Variants in IBTK observed in about 807,000 individuals in gnomAD.
IBTK encodes the protein inhibitor of Bruton tyrosine kinase, also known as BTK-binding protein.
In IBTK, 83 loss-of-function variants were observed where a neutral mutation model predicts 154.9. The ratio of observed to expected loss-of-function variants is 0.54; its 90% CI spans 0.45 to 0.64. IBTK has a LOEUF of 0.64. IBTK is among the 30% of genes least tolerant of loss of function. The pLI is 0.00. For synonymous variants in IBTK, 515 were observed against 536.1 expected, an observed-to-expected ratio of 0.96 and a Z score of 0.54; for missense variants, 1,332 against 1,584.6, an observed-to-expected ratio of 0.84 and a Z score of 2.71.
rs562943415 is a variant in IBTK at position 82,225,402 on chromosome 6, A to T, written c.825+75T>A. 29 of 1,156,536 alleles carry T rather than the reference A, an allele frequency of 2.5e-5. No individual in the cohort carries two copies. The East Asian group carries it at 7.1e-4, about 28-fold the overall frequency. The allele number at this position is 1,156,536 out of a possible 1,614,324, so 71.6% of individuals were successfully genotyped here. A position where few individuals can be genotyped will look rare whatever the true frequency, so the allele number is the denominator to read the frequency against. On this transcript the variant is annotated intron_variant, in intron 6 of 28. Coordinates refer to ENST00000306270, the MANE Select transcript of IBTK (RefSeq NM_015525.4). ...AGAAATAAAATAAGTTGCTCTGTCA[A>T]TAACTTACATTTTTTTGTTCATACA...
At chr6:82,243,168 G>A (rs1218791828) in intron 1 of IBTK, among the ~76,000 whole-genome samples, 1 of 151,456 alleles carries the variant, frequency 6.6e-6, no homozygotes, top group African/African-American at 2.4e-5. Flanking sequence ...GTGAACCTGG[G>A]AGGCGGAGCT....
intron 1 of IBTK, 45 bp downstream of exon 1, chr6:82,247,517 G>A (rs955764626): frequency 4.8e-5 from 19 of 398,734 alleles, no homozygotes; most frequent in Non-Finnish European, 6.6e-5. Context: ...CCGGGCTGAA[G>A]GGAAGCCGCA....
Position 82,202,643 on chromosome 6 carries a change from TA to T in IBTK, c.2613del (p.Thr872ProfsTer2). On this transcript the variant is annotated frameshift_variant and splice_region_variant, in exon 18 of 29. Transcript: ENST00000306270. LOFTEE classifies it high-confidence loss of function. ...EICEVALTEK[L>X]TLKNAAMLLE... ...AGTAGCATAGCAGCATTCTTCAGGG[TA>T]ACTACAAAGAAAGAAAAGATTTGCA... 6.4e-7 allele frequency: 1 copy of T among 1,561,886 alleles called. No homozygotes were observed. Among genetic ancestry groups the T allele is most frequent in the Non-Finnish European group, 8.7e-7 (1 of 1,150,402 alleles).
chr6:82,230,110 G>C (rs1770452056), intron 4 of IBTK, among the ~76,000 whole-genome samples: 2 of 152,130 alleles, frequency 1.3e-5, no homozygotes, highest in Non-Finnish European at 2.9e-5. Context: ...CTAGGGATAT[G>C]TTGTCAAAGT....
At chr6:82,192,607 G>A (rs1768809160) in intron 23 of IBTK, among the ~76,000 whole-genome samples, 2 of 151,746 alleles carry the variant, frequency 1.3e-5, no homozygotes, top group East Asian at 3.9e-4. Context: ...ATTAGTCAGG[G>A]GTGGTGGCAG....
chr6:82,172,610 A>G, intron 27 of IBTK, 98 bp from the exon 28 acceptor site: 2 of 1,107,472 alleles, frequency 1.8e-6, no homozygotes, highest in East Asian at 2.6e-5. Flanking sequence ...AATTCTTTCC[A>G]GTGACCTACA....
chr6:82,211,264 G>A, intron 15 of IBTK, 103 bp downstream of exon 15: 1 of 849,792 alleles, frequency 1.2e-6, no homozygotes, highest in Non-Finnish European at 1.8e-6. Flanking sequence ...GAAAAACTGA[G>A]CTAAAATATC....
At position 82,221,558 on chromosome 6, in the gene IBTK, A is replaced by G. The variant is rs574526007; in HGVS notation, c.1125-845T>C. On this transcript the variant is annotated intron_variant, in intron 8 of 28. Coordinates refer to ENST00000306270, the MANE Select transcript of IBTK (RefSeq NM_015525.4). The stretch of plus-strand genomic sequence containing the variant: ...TATCTGCACATTTGATGTGCATAGC[A>G]TTATGTGAAATCTGCCTGCTGCTAC... Among the ~76,000 whole-genome samples, 8 of 152,276 alleles carry G rather than the reference A, an allele frequency of 5.3e-5. No homozygotes were observed. In the South Asian group the frequency reaches 1.7e-3, roughly 32 times the overall value.
chr6:82,191,910 C>T (rs1189603157), intron 23 of IBTK, 31 bp from the exon 24 acceptor site: 1 of 1,362,556 alleles, frequency 7.3e-7, no homozygotes, highest in Non-Finnish European at 1.0e-6. Flanking sequence ...CTTTGCAAAG[C>T]ATTCATTTAC....
At chr6:82,203,223 T>C (rs1052990759) in intron 17 of IBTK, among the ~76,000 whole-genome samples, 5 of 152,088 alleles carry the variant, frequency 3.3e-5, no homozygotes, top group Non-Finnish European at 4.4e-5. Flanking sequence ...AAATCTGATA[T>C]ACTGTGCAAA....
intron 25 of IBTK, among the ~76,000 whole-genome samples, chr6:82,184,910 G>T (rs1302344571): frequency 6.6e-6 from 1 of 152,058 alleles, no homozygotes; most frequent in Non-Finnish European, 1.5e-5. Flanking sequence ...GGCTGGGCGT[G>T]GTGGCTCACA....
At chr6:82,209,551 C>A (rs570650034) in intron 16 of IBTK, among the ~76,000 whole-genome samples, 2 of 152,204 alleles carry the variant, frequency 1.3e-5, no homozygotes, top group South Asian at 2.1e-4. Flanking sequence ...GGGTTTTCCA[C>A]GGACTGGGGA....
At position 82,171,116 on chromosome 6, in the gene IBTK, T is replaced by C. The variant is rs991781; in HGVS notation, c.*309A>G. ...AACAAAAAAGTTATTTTTAATACTT[T>C]ACCCCCCTTATATCTTATGATTCAA... On this transcript the variant is annotated 3_prime_UTR_variant, in exon 29 of 29. Coordinates refer to ENST00000306270, the MANE Select transcript of IBTK (RefSeq NM_015525.4). 0.24 allele frequency: 39,535 copies of C among 165,428 alleles called. 4,790 individuals carry two copies. The highest frequency in any genetic ancestry group is 0.28 in the African/African-American group (11,879 of 41,978). 10.2% of individuals were successfully genotyped at this position (165,428 alleles called of 1,614,324 possible). A position where few individuals can be genotyped will look rare whatever the true frequency, so the allele number is the denominator to read the frequency against.
At chr6:82,175,778 C>T (rs1768087462) in intron 26 of IBTK, among the ~76,000 whole-genome samples, 1 of 152,042 alleles carries the variant, frequency 6.6e-6, no homozygotes, top group Admixed American at 6.6e-5. Flanking sequence ...GCCTGTAATC[C>T]CAGCACTTTG....
In IBTK at chr6:82,189,148, A is replaced by G. The variant is rs534811976; in HGVS notation, c.3575+1925T>C. Reference sequence around the variant, plus strand: ...AGTATCAAAGTAATATTAATATTACATAAGATTTCCCTAGAACTTAAAGAC... The same window carrying G: ...AGTATCAAAGTAATATTAATATTACGTAAGATTTCCCTAGAACTTAAAGAC... On this transcript the variant is annotated intron_variant, in intron 25 of 28. Coordinates refer to ENST00000306270, the MANE Select transcript of IBTK (RefSeq NM_015525.4). The G allele has an allele frequency of 1.9e-4, 62 of 323,170 alleles. 1 individual carries two copies. Among genetic ancestry groups the G allele is most frequent in the Admixed American group, 9.0e-4 (21 of 23,250 alleles). The allele number at this position is 323,170 out of a possible 1,614,324, so 20.0% of individuals were successfully genotyped here. A position where few individuals can be genotyped will look rare whatever the true frequency, so the allele number is the denominator to read the frequency against.
chr6:82,225,362 A>T (rs1300876853), intron 6 of IBTK, 115 bp downstream of exon 6: 1 of 678,322 alleles, frequency 1.5e-6, no homozygotes, highest in Admixed American at 3.2e-5. Context: ...ACCACTGAAG[A>T]TAAAGTTAAA....
chr6:82,224,920 CTCCCAAGTGCAGAATT>C (rs1770237558), intron 6 of IBTK, among the ~76,000 whole-genome samples: 1 of 152,168 alleles, frequency 6.6e-6, no homozygotes, highest in Non-Finnish European at 1.5e-5. Context: ...GGTGGCTAAT[CTCCCAAGTGCAGAATT>C]TCCCAAGTGC....
chr6:82,213,859 G>A (rs1369158892), intron 12 of IBTK, among the ~76,000 whole-genome samples: 3 of 152,132 alleles, frequency 2.0e-5, no homozygotes, highest in African/African-American at 4.8e-5. Flanking sequence ...AAGGGAGAGA[G>A]AGGAAGAGGA....
At chr6:82,175,756 G>A (rs1311844137) in intron 26 of IBTK, among the ~76,000 whole-genome samples, 1 of 152,174 alleles carries the variant, frequency 6.6e-6, no homozygotes, top group Non-Finnish European at 1.5e-5. Flanking sequence ...CTGGCCAGGT[G>A]CAGTGGCTCA....
Sources: gnomAD v4.1 joint callset for allele counts (sites outside exome capture counted in the v4.1 genomes callset) on GRCh38, gnomAD v4.1.1 for gene constraint, MANE v1.5 for transcripts, NCBI Gene and HGNC (gene_info 2026-07-23, HGNC 2026-07-21) for gene names.